OR9Q1: variants seen among roughly 807,000 people sequenced by gnomAD.
OR9Q1 encodes olfactory receptor family 9 subfamily Q member 1, also known as olfactory receptor 9Q1.
For synonymous variants in OR9Q1, 153 were observed against 148.6 expected (o/e 1.03, Z -0.22); for missense variants, 374 against 378.8 (o/e 0.99, Z 0.11).
chr11:58,118,487 C>A, intron 2 of OR9Q1: 1 of 1,539,164 alleles, frequency 6.5e-7, no homozygotes, highest in East Asian at 2.3e-5. Flanking sequence ...ACAAGAATTC[C>A]TCTTACTTAG....
At chr11:58,151,539 C>A (rs916078891) in intron 2 of OR9Q1, among the ~76,000 whole-genome samples, 4 of 152,130 alleles carry the variant, frequency 2.6e-5, no homozygotes, top group Non-Finnish European at 4.4e-5. Flanking sequence ...ACTCTTGTTT[C>A]ATAATACAAA....
intron 1 of OR9Q1, among the ~76,000 whole-genome samples, chr11:58,046,923 G>C (rs1441859688): frequency 2.6e-5 from 4 of 152,070 alleles, no homozygotes; most frequent in Non-Finnish European, 5.9e-5. Flanking sequence ...TAGGGGTCTG[G>C]GAAAGGACTA....
At chr11:58,118,452 TC>T in intron 2 of OR9Q1, 1 of 1,249,386 alleles carries the variant, frequency 8.0e-7, no homozygotes, top group Non-Finnish European at 1.1e-6. Context: ...TAGGATATAT[TC>T]ATATGGGAAG....
At chr11:58,102,242 AGTTGTTTTGTATACCCTTTT>A (rs1450843125) in intron 2 of OR9Q1, among the ~76,000 whole-genome samples, 4 of 103,464 alleles carry the variant, frequency 3.9e-5, no homozygotes, top group Admixed American at 1.2e-4. Context: ...GTTGTTTTGT[AGTTGTTTTGTATACCCTTTT>A]TACCCTTTTT....
intron 1 of OR9Q1, among the ~76,000 whole-genome samples, chr11:58,025,541 A>C (rs1275083101): frequency 6.6e-6 from 1 of 152,196 alleles, no homozygotes; most frequent in African/African-American, 2.4e-5. Flanking sequence ...TCCTACCAAC[A>C]CATGACCCGA....
intron 2 of OR9Q1, among the ~76,000 whole-genome samples, chr11:58,092,390 T>C (rs530949926): frequency 6.6e-6 from 1 of 152,066 alleles, no homozygotes; most frequent in Non-Finnish European, 1.5e-5. Flanking sequence ...TGATGTGCAA[T>C]TTTTTTGCTT....
chr11:58,090,072 T>C (rs56018616), intron 2 of OR9Q1, among the ~76,000 whole-genome samples: 32,425 of 152,160 alleles, frequency 0.21, 4,106 homozygotes, highest in Middle Eastern at 0.38. Context: ...TTTCTAAATA[T>C]ACAATCATGT....
At position 58,089,430 on chromosome 11, in the gene OR9Q1, C is replaced by T. The variant is rs559186289; in HGVS notation, c.-15+33483C>T. ...CCTTTCCCCATTGCTTGATTTTTGT[C>T]GGGTTTGTCGAAGGTCAGATGGCTG... On this transcript the variant is annotated intron_variant, in intron 2 of 2. Transcript: ENST00000335397. Among the ~76,000 whole-genome samples the T allele has an allele frequency of 1.4e-4, 21 of 151,858 alleles. No homozygotes were observed. The South Asian group carries it at 3.9e-3, about 29-fold the overall frequency.
At chr11:58,125,230 TTA>T (rs1854077624) in intron 2 of OR9Q1, 4 of 52,200 alleles carry the variant, frequency 7.7e-5, no homozygotes, top group African/African-American at 1.5e-4. Context: ...GATTCCCCCC[TTA>T]CCCACCGCCC....
chr11:58,151,984 A>G (rs34679293), intron 2 of OR9Q1, among the ~76,000 whole-genome samples: 5,548 of 152,294 alleles, frequency 0.036, 157 homozygotes, highest in Non-Finnish European at 0.051. Context: ...CATAGAGATT[A>G]TTGAGTTAAC....
At chr11:58,169,711 C>G (rs1854537275) in intron 2 of OR9Q1, among the ~76,000 whole-genome samples, 2 of 152,214 alleles carry the variant, frequency 1.3e-5, no homozygotes, top group Non-Finnish European at 2.9e-5. Flanking sequence ...TCTTCTTCTC[C>G]TTTTTGTTCC....
rs114503196 is a variant in OR9Q1 at position 58,155,499 on chromosome 11, C to A, written c.-14-23932C>A. On this transcript the variant is annotated intron_variant, in intron 2 of 2. Transcript: ENST00000335397. ...GAGTCATGCAAGTGCAGGGTCAGTG[C>A]CTGAGAGTGAGAATCTCCTTAAATT... Among the ~76,000 whole-genome samples the A allele has an allele frequency of 6.1e-3, 929 of 152,258 alleles. 9 individuals carry two copies. Among genetic ancestry groups the A allele is most frequent in the African/African-American group, 0.021 (885 of 41,540 alleles).
At chr11:58,157,179 C>G (rs922481472) in intron 2 of OR9Q1, among the ~76,000 whole-genome samples, 2 of 152,094 alleles carry the variant, frequency 1.3e-5, no homozygotes, top group East Asian at 1.9e-4. Context: ...CTGAGTATGG[C>G]TAATTCCATC....
Position 58,119,206 on chromosome 11 carries a change from T to A in OR9Q1, c.-14-60225T>A, listed in dbSNP as rs202106928. 3 of 1,613,940 alleles carry A rather than the reference T, an allele frequency of 1.9e-6. No individual in the cohort carries two copies. The African/African-American group carries it at 4.0e-5, about 22-fold the overall frequency. On this transcript the variant is annotated intron_variant, in intron 2 of 2. Transcript: ENST00000335397. ...GCCTGTGGCCAATGTGGCTAGGATCTGAGGGGTGATGACTGAGGTGTAACA... is the reference window on the plus strand; with the variant it reads ...GCCTGTGGCCAATGTGGCTAGGATCAGAGGGGTGATGACTGAGGTGTAACA...
intron 2 of OR9Q1, among the ~76,000 whole-genome samples, chr11:58,107,888 A>G (rs945793674): frequency 6.6e-6 from 1 of 152,300 alleles, no homozygotes; most frequent in South Asian, 2.1e-4. Context: ...AATTACTTCT[A>G]TAATCATAGA....
intron 2 of OR9Q1, chr11:58,078,443 G>A (rs1228264395): frequency 6.6e-6 from 1 of 152,210 alleles, no homozygotes; most frequent in East Asian, 1.9e-4. Flanking sequence ...AGTATATAGG[G>A]TGAAGAGATG....
intron 2 of OR9Q1, chr11:58,119,096 C>T (rs1853995601): frequency 1.2e-6 from 2 of 1,613,882 alleles, no homozygotes; most frequent in Admixed American, 1.7e-5. Context: ...TAGGCCATCA[C>T]TGCCAGCAGA....
At chr11:58,067,683 G>C (rs1394900990) in intron 2 of OR9Q1, among the ~76,000 whole-genome samples, 4 of 152,102 alleles carry the variant, frequency 2.6e-5, no homozygotes, top group African/African-American at 9.7e-5. Context: ...TTTCCTATTT[G>C]GTCCTCATGA....
intron 2 of OR9Q1, among the ~76,000 whole-genome samples, chr11:58,105,263 C>T (rs1198334862): frequency 1.3e-5 from 2 of 152,060 alleles, no homozygotes; most frequent in Non-Finnish European, 2.9e-5. Context: ...ATTTGAGTTG[C>T]CATGACATGC....
Sources: gnomAD v4.1 joint callset for allele counts (sites outside exome capture counted in the v4.1 genomes callset) on GRCh38, gnomAD v4.1.1 for gene constraint, MANE v1.5 for transcripts, NCBI Gene and HGNC (gene_info 2026-07-23, HGNC 2026-07-21) for gene names.